The following PKP4 variants were observed in gnomAD, a reference collection of about 807,000 sequenced individuals.
PKP4 encodes the protein plakophilin 4, also known as plakophilin-4.
PKP4 carries 90 observed loss-of-function variants against 145.1 expected under a neutral mutation model. That is an observed-to-expected ratio of 0.62 (90% confidence interval 0.52 to 0.74). The LOEUF (loss-of-function observed/expected upper bound fraction) is 0.74, where lower values mean the gene tolerates loss of function less well. Among genes scored for constraint, PKP4 ranks in the 30% least tolerant of loss-of-function variants. PKP4 has a pLI of 0.00. For missense variants in PKP4, 1,340 were observed against 1,482.7 expected (o/e 0.90, Z 1.58); for synonymous variants, 563 against 577.2 (o/e 0.98, Z 0.35).
intron 10 of PKP4, among the ~76,000 whole-genome samples, chr2:158,641,582 G>A (rs906272270): frequency 6.6e-6 from 1 of 152,032 alleles, no homozygotes; most frequent in Non-Finnish European, 1.5e-5. Flanking sequence ...AACGTTTCAA[G>A]CCTTCTTCTG....
chr2:158,678,506 G>A, intron 20 of PKP4, 75 bp from the exon 21 acceptor site: 2 of 1,016,278 alleles, frequency 2.0e-6, no homozygotes, highest in South Asian at 1.3e-5. Context: ...TAGCCCTAGT[G>A]CAGGGGAGAC....
At chr2:158,561,409 C>G (rs1371178837) in intron 2 of PKP4, among the ~76,000 whole-genome samples, 1 of 152,208 alleles carries the variant, frequency 6.6e-6, no homozygotes, top group Non-Finnish European at 1.5e-5. Flanking sequence ...ATCATTTCAG[C>G]AGCCAGCAAT....
chr2:158,600,214 A>G (rs79352338), intron 3 of PKP4, among the ~76,000 whole-genome samples: 6,995 of 152,296 alleles, frequency 0.046, 409 homozygotes, highest in African/African-American at 0.14. Flanking sequence ...ATTTCATTCT[A>G]AATGATTAAG....
intron 2 of PKP4, among the ~76,000 whole-genome samples, chr2:158,558,666 A>G (rs757926366): frequency 4.6e-5 from 7 of 152,160 alleles, no homozygotes; most frequent in African/African-American, 1.4e-4. Flanking sequence ...AGCCCTTGAA[A>G]TAAGTGTGTC....
intron 2 of PKP4, among the ~76,000 whole-genome samples, chr2:158,567,149 A>ATT (rs1416575942): frequency 6.6e-6 from 1 of 152,158 alleles, no homozygotes; most frequent in African/African-American, 2.4e-5. Context: ...AGCTGGAGAG[A>ATT]TACTAAGATG....
chr2:158,647,812 G>A (rs139740686), intron 11 of PKP4, among the ~76,000 whole-genome samples: 50 of 152,274 alleles, frequency 3.3e-4, no homozygotes, highest in African/African-American at 1.2e-3. Context: ...TTGAAAGCTG[G>A]ATGAAGTATG....
chr2:158,678,515 AC>A, intron 20 of PKP4, 65 bp from the exon 21 acceptor site: 1 of 1,133,012 alleles, frequency 8.8e-7, no homozygotes, highest in South Asian at 1.2e-5. Context: ...TGCAGGGGAG[AC>A]CACCCAGCCT....
intron 2 of PKP4, among the ~76,000 whole-genome samples, chr2:158,555,918 A>G (rs898970669): frequency 4.6e-5 from 7 of 152,174 alleles, no homozygotes; most frequent in African/African-American, 1.7e-4. Flanking sequence ...GGTTTTTTCC[A>G]TAGCTTGCTT....
Position 158,663,055 on chromosome 2 carries a change from G to C in PKP4, c.2370G>C (p.Lys790Asn). Residue 790 changes from lysine to asparagine, a missense_variant, in exon 14 of 22, where the codon AAG becomes AAC. By Grantham distance (94) the Lys-to-Asn change is moderately conservative. Transcript: ENST00000389759. ...DSEPSCWGKK[K>N]KKKKRTPQED... is the part of the protein sequence containing the mutation. ...AGCCAAGTTGCTGGGGGAAGAAGAA[G>C]AAAAAGAAAAAGAGGACTCCGCAAG... 2 of 1,608,574 alleles carry C rather than the reference G, an allele frequency of 1.2e-6. No individual in the cohort carries two copies. Among genetic ancestry groups the C allele is most frequent in the Non-Finnish European group, 1.7e-6 (2 of 1,178,622 alleles).
At chr2:158,486,924 A>T (rs1335904331) in intron 1 of PKP4, among the ~76,000 whole-genome samples, 2 of 152,234 alleles carry the variant, frequency 1.3e-5, no homozygotes, top group African/African-American at 4.8e-5. Context: ...TTTAGTTGTA[A>T]TGCATTCACA....
chr2:158,506,397 C>T (rs1435396971), intron 1 of PKP4, among the ~76,000 whole-genome samples: 1 of 152,204 alleles, frequency 6.6e-6, no homozygotes, highest in Non-Finnish European at 1.5e-5. Context: ...ATTTGGCAGA[C>T]AGCTCAGTTA....
chr2:158,647,232 C>T (rs759777016), intron 11 of PKP4, among the ~76,000 whole-genome samples: 1 of 152,114 alleles, frequency 6.6e-6, no homozygotes, highest in Non-Finnish European at 1.5e-5. Context: ...CGGTGCTTGG[C>T]CTTTGTAGGT....
intron 20 of PKP4, 184 bp downstream of exon 20, chr2:158,677,051 A>G (rs2058075434): frequency 2.8e-6 from 2 of 705,272 alleles, no homozygotes; most frequent in Non-Finnish European, 5.0e-6. Context: ...AAAGTAAAAC[A>G]AGCATGTACT....
At chr2:158,610,720 T>G (rs886322670) in intron 4 of PKP4, among the ~76,000 whole-genome samples, 1 of 152,120 alleles carries the variant, frequency 6.6e-6, no homozygotes, top group African/African-American at 2.4e-5. Context: ...TTTTTCTGTT[T>G]GCGAGAAAAA....
At chr2:158,671,735 A>G (rs959414974) in intron 17 of PKP4, among the ~76,000 whole-genome samples, 7 of 152,240 alleles carry the variant, frequency 4.6e-5, no homozygotes, top group Admixed American at 2.6e-4. Flanking sequence ...TGGGTGAGGT[A>G]GACGCAGACA....
At chr2:158,619,943 A>ACG (rs1334707846) in intron 4 of PKP4, among the ~76,000 whole-genome samples, 2 of 46,402 alleles carry the variant, frequency 4.3e-5, no homozygotes, top group African/African-American at 1.0e-4. Flanking sequence ...ACACACACAC[A>ACG]CGCACACACA....
chr2:158,646,926 G>A (rs1239639404), intron 11 of PKP4, among the ~76,000 whole-genome samples: 1 of 152,066 alleles, frequency 6.6e-6, no homozygotes, highest in African/African-American at 2.4e-5. Flanking sequence ...ACTTGAAAAG[G>A]CAAAAAATAC....
At chr2:158,564,886 C>G (rs915477131) in intron 2 of PKP4, among the ~76,000 whole-genome samples, 2 of 152,156 alleles carry the variant, frequency 1.3e-5, no homozygotes, top group Admixed American at 6.5e-5. Flanking sequence ...GCATCTGGCT[C>G]TTTAATTCTT....
chr2:158,531,479 G>A (rs1269091334), intron 1 of PKP4, among the ~76,000 whole-genome samples: 1 of 152,002 alleles, frequency 6.6e-6, no homozygotes, highest in Non-Finnish European at 1.5e-5. Flanking sequence ...TGCTAATCTA[G>A]GATCTTTGTG....
Sources: gnomAD v4.1 joint callset for allele counts (sites outside exome capture counted in the v4.1 genomes callset) on GRCh38, gnomAD v4.1.1 for gene constraint, MANE v1.5 for transcripts, NCBI Gene and HGNC (gene_info 2026-07-23, HGNC 2026-07-21) for gene names.